The following SCHIP1 variants were observed in gnomAD, a reference collection of about 807,000 sequenced individuals.
SCHIP1 encodes schwannomin interacting protein 1, also known as schwannomin-interacting protein 1.
SCHIP1 carries 8 observed loss-of-function variants against 29.7 expected under a neutral mutation model. The observed-to-expected ratio is 0.27, with a 90% CI of 0.16 to 0.49. The LOEUF is 0.49. Ranked by LOEUF, SCHIP1 falls within the 20% of genes least tolerant of loss-of-function variation. The pLI is 0.99. For missense variants in SCHIP1, 193 were observed against 294.6 expected (o/e 0.66, Z 2.52); for synonymous variants, 76 against 94.9 (o/e 0.80, Z 1.16).
chr3:159,886,453 A>G (rs1716972436), intron 3 of SCHIP1, 129 bp downstream of exon 4: 1 of 767,684 alleles, frequency 1.3e-6, no homozygotes, highest in Non-Finnish European at 2.1e-6. Context: ...TTGGAATTGC[A>G]TGCTCCTAAA....
intron 2 of SCHIP1, among the ~76,000 whole-genome samples, chr3:159,880,856 A>G (rs989429011): frequency 6.6e-6 from 1 of 152,210 alleles, no homozygotes; most frequent in African/African-American, 2.4e-5. Context: ...GACCAGCATT[A>G]TTTGCTAAAA....
At chr3:159,372,165 C>CTGTT in the SCHIP1 span, among the ~76,000 whole-genome samples, 1 of 152,024 alleles carries the variant, frequency 6.6e-6, no homozygotes, top group Non-Finnish European at 1.5e-5. Context: ...TAATTAAAAG[C>CTGTT]TGTTATCTCT....
At chr3:159,424,461 G>C in the SCHIP1 span, among the ~76,000 whole-genome samples, 1 of 152,164 alleles carries the variant, frequency 6.6e-6, no homozygotes. Context: ...TGAAATGAAT[G>C]AAATGAAGTG....
chr3:159,349,526 A>G, the SCHIP1 span, among the ~76,000 whole-genome samples: 2 of 152,230 alleles, frequency 1.3e-5, no homozygotes, highest in Non-Finnish European at 2.9e-5. Context: ...GAGAAAATGT[A>G]TGTCAAAAAC....
chr3:159,726,064 T>C, the SCHIP1 span, among the ~76,000 whole-genome samples: 1 of 152,204 alleles, frequency 6.6e-6, no homozygotes, highest in South Asian at 2.1e-4. Flanking sequence ...GACCATATAT[T>C]ACACCCTTGC....
chr3:159,753,634 C>G, the SCHIP1 span, among the ~76,000 whole-genome samples: 1 of 152,222 alleles, frequency 6.6e-6, no homozygotes, highest in Admixed American at 6.5e-5. Flanking sequence ...TAATTAGTCT[C>G]TGCACCCAGC....
the SCHIP1 span, among the ~76,000 whole-genome samples, chr3:159,667,828 T>G: frequency 6.6e-6 from 1 of 152,244 alleles, no homozygotes; most frequent in African/African-American, 2.4e-5. Context: ...CAAGTACACA[T>G]AGAACTAAAC....
the SCHIP1 span, among the ~76,000 whole-genome samples, chr3:159,791,256 A>G: frequency 6.6e-6 from 1 of 152,234 alleles, no homozygotes; most frequent in Admixed American, 6.5e-5. Context: ...AAACCATTCT[A>G]AGAATTTCAG....
chr3:159,776,131 A>T, the SCHIP1 span, among the ~76,000 whole-genome samples: 1 of 152,222 alleles, frequency 6.6e-6, no homozygotes, highest in Non-Finnish European at 1.5e-5. Context: ...ATCTACACTC[A>T]TAAAAATAAC....
the SCHIP1 span, among the ~76,000 whole-genome samples, chr3:159,709,983 G>C: frequency 2.6e-5 from 4 of 152,154 alleles, no homozygotes; most frequent in African/African-American, 9.7e-5. Context: ...GCACACTATT[G>C]GTGGGAATGT....
chr3:159,492,499 C>T, the SCHIP1 span, among the ~76,000 whole-genome samples: 111 of 152,112 alleles, frequency 7.3e-4, no homozygotes, highest in Admixed American at 5.0e-3. Flanking sequence ...GAAAGGGTAT[C>T]AGCGATGGAA....
At chr3:159,466,118 G>T in the SCHIP1 span, among the ~76,000 whole-genome samples, 1 of 152,072 alleles carries the variant, frequency 6.6e-6, no homozygotes, top group Non-Finnish European at 1.5e-5. Flanking sequence ...TAGCTAGGGG[G>T]TAAGAAGTAT....
At chr3:159,398,794 A>T in the SCHIP1 span, 2,487 of 162,814 alleles carry the variant, frequency 0.015, 57 homozygotes, top group African/African-American at 0.056. Context: ...TCCCATTCAT[A>T]AGAATGAGAA....
chr3:159,275,162 T>A, the SCHIP1 span: 6 of 712,504 alleles, frequency 8.4e-6, no homozygotes, highest in Non-Finnish European at 1.0e-5. Context: ...ACTGATAATT[T>A]CCATAATTGA....
chr3:159,403,899 A>G, the SCHIP1 span, among the ~76,000 whole-genome samples: 2 of 152,132 alleles, frequency 1.3e-5, no homozygotes, highest in Admixed American at 1.3e-4. Flanking sequence ...GAGGAGAGGG[A>G]AGAGTAGAGG....
chr3:159,354,672 C>A, the SCHIP1 span, among the ~76,000 whole-genome samples: 2 of 152,190 alleles, frequency 1.3e-5, no homozygotes, highest in South Asian at 4.1e-4. Context: ...CTGAGTAACT[C>A]TTATTTCCAA....
the SCHIP1 span, among the ~76,000 whole-genome samples, chr3:159,725,450 G>A: frequency 6.6e-6 from 1 of 151,902 alleles, no homozygotes; most frequent in Non-Finnish European, 1.5e-5. Flanking sequence ...TGTATTTTTA[G>A]TAGAGACGGG....
chr3:159,866,227 GC>G lies in SCHIP1; in HGVS notation c.98del (p.Pro33GlnfsTer23). On this transcript the variant is annotated frameshift_variant, in exon 2 of 7. Coordinates refer to ENST00000445224, the Ensembl canonical transcript of SCHIP1. LOFTEE classifies it high-confidence loss of function. The stretch of plus-strand genomic sequence containing the variant: ...GCACTTGGAAGCTTCTTTGATGATG[GC>G]CCAGGAATTTATACCAGCTGTAGCA... 6.2e-7 allele frequency: 1 copy of G among 1,613,680 alleles called. No homozygotes were observed. The highest frequency in any genetic ancestry group is 8.5e-7 in the Non-Finnish European group (1 of 1,179,694).
chr3:159,299,712 A>T, the SCHIP1 span, among the ~76,000 whole-genome samples: 4 of 151,892 alleles, frequency 2.6e-5, no homozygotes, highest in African/African-American at 9.7e-5. Flanking sequence ...CCTCACAATG[A>T]TCCCACACTG....
Sources: gnomAD v4.1 joint callset for allele counts (sites outside exome capture counted in the v4.1 genomes callset) on GRCh38, gnomAD v4.1.1 for gene constraint, MANE v1.5 for transcripts, NCBI Gene and HGNC (gene_info 2026-07-23, HGNC 2026-07-21) for gene names.